IMPA1: variants seen among roughly 807,000 people sequenced by gnomAD.
IMPA1 encodes the protein inositol monophosphatase 1, also known as D-galactose 1-phosphate phosphatase.
In IMPA1, 21 loss-of-function variants were observed where a neutral mutation model predicts 34.9. The observed-to-expected ratio is 0.60, with a 90% confidence interval of 0.43 to 0.87. The LOEUF is 0.87. IMPA1 is among the 40% of genes least tolerant of loss of function. The pLI is 0.00. For synonymous variants in IMPA1, 95 were observed against 104.4 expected (o/e 0.91, Z 0.55); for missense variants, 299 against 336.4 (o/e 0.89, Z 0.87).
chr8:81,666,711 T>TA (rs34893392), intron 7 of IMPA1, among the ~76,000 whole-genome samples: 1 of 151,604 alleles, frequency 6.6e-6, no homozygotes, highest in Non-Finnish European at 1.5e-5. Context: ...CTGTCTCTAC[T>TA]AAAAATACAA....
rs149022367 is a variant in IMPA1, at chr8:81,661,094, C to T, written c.567-427G>A. Among the ~76,000 whole-genome samples, 25 of 152,208 alleles carry T rather than the reference C, an allele frequency of 1.6e-4. No individual in the cohort carries two copies. In the East Asian group the frequency reaches 3.1e-3, roughly 19 times the overall value. On this transcript the variant is annotated intron_variant, in intron 7 of 8. Transcript: ENST00000256108. ...TATGGGTCATTTTCAACTGGGTGTG[C>T]GTCATACATGTGCCTAAAGCAACAA...
At chr8:81,668,703 G>C (rs763028095) in intron 7 of IMPA1, among the ~76,000 whole-genome samples, 14 of 152,174 alleles carry the variant, frequency 9.2e-5, no homozygotes, top group Non-Finnish European at 1.6e-4. Context: ...GGAGGAAACC[G>C]AGGGTTAGCC....
At chr8:81,684,788 A>T (rs1179685863) in intron 1 of IMPA1, among the ~76,000 whole-genome samples, 1 of 143,194 alleles carries the variant, frequency 7.0e-6, no homozygotes, top group Non-Finnish European at 1.5e-5. Flanking sequence ...TATACTACAC[A>T]TAAGTATATT....
In IMPA1 at chr8:81,681,505, G is replaced by C; in HGVS notation, c.56C>G (p.Ala19Gly). ...CAAAATCTTAGCTCATACCTCTCCA[G>C]CTTGTCTTGCTAGAGTTACTGCATA... ...MDYAVTLARQ[A>G]GEVVCEAIKN... is the part of the protein sequence containing the mutation. The change falls in exon 2 of 9, where the codon GCT (alanine) becomes GGT (glycine). Residue 19 changes from alanine to glycine, a missense_variant. By Grantham distance (60) the Ala-to-Gly change is moderately conservative. Coordinates refer to ENST00000256108, the MANE Select transcript of IMPA1 (RefSeq NM_005536.4). 6.3e-7 allele frequency: 1 copy of C among 1,582,374 alleles called. No homozygotes were observed. Among genetic ancestry groups the C allele is most frequent in the African/African-American group, 1.3e-5 (1 of 74,450 alleles).
rs1233688478 is a variant in IMPA1 at position 81,686,146 on chromosome 8, C to T, written c.-25+106G>A. 1.6e-4 allele frequency: 137 copies of T among 869,330 alleles called. No homozygotes were observed. The East Asian group carries it at 6.1e-3, about 39-fold the overall frequency. The allele number at this position is 869,330 out of a possible 1,614,324, so 53.9% of individuals were successfully genotyped here. On this transcript the variant is annotated intron_variant, in intron 1 of 8. Coordinates refer to ENST00000256108, the MANE Select transcript of IMPA1 (RefSeq NM_005536.4). ...AGGCTGCCTCCACCCTAGGCGCCGACCGCGCACGGCGCTCGCGCCCGCTCC... is the reference window on the plus strand; with the variant it reads ...AGGCTGCCTCCACCCTAGGCGCCGATCGCGCACGGCGCTCGCGCCCGCTCC...
intron 7 of IMPA1, among the ~76,000 whole-genome samples, chr8:81,665,525 C>T (rs78517504): frequency 0.11 from 16,808 of 152,050 alleles, 980 homozygotes; most frequent in Middle Eastern, 0.16. Flanking sequence ...GGAGCATTCC[C>T]ACTGGTGTCT....
chr8:81,665,215 G>A (rs1185636677), intron 7 of IMPA1, among the ~76,000 whole-genome samples: 1 of 151,878 alleles, frequency 6.6e-6, no homozygotes, highest in South Asian at 2.1e-4. Flanking sequence ...AATCGAATCC[G>A]AATTAAATAT....
At chr8:81,680,948 C>T (rs993801878) in intron 2 of IMPA1, among the ~76,000 whole-genome samples, 165 bp from the exon 3 acceptor site, 4 of 152,042 alleles carry the variant, frequency 2.6e-5, no homozygotes, top group Non-Finnish European at 4.4e-5. Context: ...TTAATAGTTA[C>T]GTCTTTCTAA....
chr8:81,658,049 G>C lies in IMPA1; in HGVS notation c.*1302C>G, dbSNP rs1806568022. On this transcript the variant is annotated 3_prime_UTR_variant, in exon 9 of 9. Coordinates refer to ENST00000256108, the MANE Select transcript of IMPA1 (RefSeq NM_005536.4). ...ACAGTATCAGATGTTTTAAGTACAT[G>C]TGATCAACAGTACAAATAATTATAG... 6.6e-6 allele frequency: 1 copy of C among 152,096 alleles called. No individual in the cohort carries two copies. The highest frequency in any genetic ancestry group is 2.4e-5 in the African/African-American group (1 of 41,404). The allele number at this position is 152,096 out of a possible 1,614,324, so 9.4% of individuals were successfully genotyped here. A position where few individuals can be genotyped will look rare whatever the true frequency, so the allele number is the denominator to read the frequency against.
chr8:81,679,138 T>C lies in IMPA1; in HGVS notation c.290A>G (p.Asn97Ser). Reference sequence around the variant, plus strand: ...TTTTAAAACATACCTATGTACAAAGTTAGTTGTTCCATCAATAGGGTCAAT... The same window carrying C: ...TTTTAAAACATACCTATGTACAAAGCTAGTTGTTCCATCAATAGGGTCAAT... ...WIIDPIDGTT[N>S]FVHRFPFVAV... The change falls in exon 4 of 9, where the codon AAC becomes AGC. Residue 97 changes from asparagine to serine, a missense_variant. Physicochemically the swap from Asn to Ser is conservative, Grantham distance 46 (BLOSUM62 1). Transcript: ENST00000256108. 2.5e-6 allele frequency: 4 copies of C among 1,606,638 alleles called. No homozygotes were observed. The highest frequency in any genetic ancestry group is 3.4e-6 in the Non-Finnish European group (4 of 1,173,228).
intron 7 of IMPA1, among the ~76,000 whole-genome samples, chr8:81,667,537 A>G (rs1806864608): frequency 6.6e-6 from 1 of 152,130 alleles, no homozygotes; most frequent in Non-Finnish European, 1.5e-5. Flanking sequence ...GGTAATAGGT[A>G]GAAGACAGAA....
At position 81,673,848 on chromosome 8, in the gene IMPA1, T is replaced by C. The variant is rs756303906; in HGVS notation, c.450A>G (p.Gln150=). 1 of 1,582,974 alleles carries C rather than the reference T, an allele frequency of 6.3e-7. No homozygotes were observed. The highest frequency in any genetic ancestry group is 8.7e-7 in the Non-Finnish European group (1 of 1,152,026). The change falls in exon 6 of 9, where the codon CAA becomes CAG. Residue 150 remains glutamine (Q), a synonymous_variant. Coordinates refer to ENST00000256108, the MANE Select transcript of IMPA1 (RefSeq NM_005536.4). ...AATTGGAATTAATCCTACCTTCTTG[T>C]TGTGAAACTTGTAGTTTTTGACCAT... The part of the protein sequence containing the change: ...FCNGQKLQVS[Q]QEDITKSLLV...
chr8:81,676,154 T>C (rs1807123715), intron 5 of IMPA1, 80 bp downstream of exon 5: 6 of 572,178 alleles, frequency 1.0e-5, no homozygotes, highest in Non-Finnish European at 1.4e-5. Context: ...CAAACCTGAA[T>C]TTATTATGAA....
At chr8:81,677,053 A>G (rs1380318849) in intron 4 of IMPA1, among the ~76,000 whole-genome samples, 2 of 152,090 alleles carry the variant, frequency 1.3e-5, no homozygotes, top group Non-Finnish European at 2.9e-5. Flanking sequence ...AGAAAACTGT[A>G]AAAACTTTTA....
intron 1 of IMPA1, among the ~76,000 whole-genome samples, chr8:81,682,799 C>G (rs1295212069): frequency 1.3e-5 from 2 of 152,124 alleles, no homozygotes; most frequent in African/African-American, 4.8e-5. Context: ...ATTTCAAAAG[C>G]TACTTCTAGG....
Position 81,673,871 on chromosome 8 carries a change from C to A in IMPA1, c.427G>T (p.Gly143Cys). 6.2e-7 allele frequency: 1 copy of A among 1,611,222 alleles called. No homozygotes were observed. Among genetic ancestry groups the A allele is most frequent in the Non-Finnish European group, 8.5e-7 (1 of 1,177,588 alleles). The change falls in exon 6 of 9, where the codon GGT (glycine) becomes TGT (cysteine). Residue 143 changes from glycine (G) to cysteine (C), a missense_variant. Physicochemically the swap from Gly to Cys is radical, Grantham distance 159 (BLOSUM62 -3). Transcript: ENST00000256108. ...TGTTGTGAAACTTGTAGTTTTTGAC[C>A]ATTACAAAAGGCACCTTTTCCTTTT... is the stretch of plus-strand genomic sequence containing the variant. The part of the protein sequence containing the change: ...ARKGKGAFCN[G>C]QKLQVSQQED...
At chr8:81,683,427 A>G (rs1161825755) in intron 1 of IMPA1, among the ~76,000 whole-genome samples, 1 of 152,162 alleles carries the variant, frequency 6.6e-6, no homozygotes, top group Non-Finnish European at 1.5e-5. Flanking sequence ...AGAAGTTAAG[A>G]GAGTCAGAGA....
At chr8:81,681,854 G>T (rs1285404141) in intron 1 of IMPA1, among the ~76,000 whole-genome samples, 1 of 151,954 alleles carries the variant, frequency 6.6e-6, no homozygotes, top group South Asian at 2.1e-4. Flanking sequence ...CAAAACATTC[G>T]TTTGGAGAAT....
chr8:81,679,097 G>A (rs770683434), intron 4 of IMPA1, 29 bp downstream of exon 4: 1 of 1,389,338 alleles, frequency 7.2e-7, no homozygotes, highest in East Asian at 2.3e-5. Flanking sequence ...TATGCAAAGA[G>A]TAATTATATT....
Sources: allele counts gnomAD v4.1 joint callset (sites outside exome capture counted in the v4.1 genomes callset), GRCh38; gene constraint gnomAD v4.1.1; transcripts MANE v1.5; gene names NCBI Gene and HGNC (gene_info 2026-07-23, HGNC 2026-07-21).